The following IL1RAPL2 variants were observed in gnomAD, a reference collection of about 807,000 sequenced individuals.
IL1RAPL2 encodes the protein interleukin 1 receptor accessory protein like 2.
In IL1RAPL2, 3 loss-of-function variants were observed where a neutral mutation model predicts 44.1. The observed-to-expected ratio is 0.07, with a 90% CI of 0.03 to 0.18. The LOEUF is 0.18. IL1RAPL2 is among the 10% of genes least tolerant of loss of function. The pLI is 1.00. For missense variants in IL1RAPL2, 391 were observed against 496.4 expected (o/e 0.79, Z 2.02); for synonymous variants, 181 against 178.8 (o/e 1.01, Z -0.10).
chrX:105,571,781 G>A (rs1410949366), intron 6 of IL1RAPL2, among the ~76,000 whole-genome samples: 2 of 111,227 alleles, frequency 1.8e-5, no homozygotes, highest in Non-Finnish European at 3.8e-5. Context: ...CTGTACATGA[G>A]AGCATTGAGA....
At chrX:104,908,689 G>A in intron 2 of IL1RAPL2, among the ~76,000 whole-genome samples, 1 of 110,696 alleles carries the variant, frequency 9.0e-6, no homozygotes, top group Non-Finnish European at 1.9e-5. Flanking sequence ...AGTCTGATGG[G>A]CTTCCCTTTG....
intron 2 of IL1RAPL2, among the ~76,000 whole-genome samples, chrX:104,970,902 G>A (rs1299906712): frequency 8.9e-6 from 1 of 112,122 alleles, no homozygotes; most frequent in Non-Finnish European, 1.9e-5. Context: ...CAGGCAAGAC[G>A]CTTTTACTCT....
At chrX:104,903,620 C>T (rs1923881981) in intron 2 of IL1RAPL2, among the ~76,000 whole-genome samples, 1 of 110,948 alleles carries the variant, frequency 9.0e-6, no homozygotes, top group South Asian at 3.8e-4. Flanking sequence ...CTCTGTTGCC[C>T]AGGCTGGAGT....
chrX:104,783,814 A>G (rs1342862656), intron 2 of IL1RAPL2, among the ~76,000 whole-genome samples: 1 of 108,256 alleles, frequency 9.2e-6, no homozygotes, highest in African/African-American at 3.4e-5. Context: ...TAATCTGCTC[A>G]GAAGAAAACA....
intron 2 of IL1RAPL2, among the ~76,000 whole-genome samples, chrX:105,065,936 C>T (rs769204836): frequency 1.3e-4 from 14 of 111,075 alleles, no homozygotes; most frequent in Non-Finnish European, 2.6e-4. Context: ...CTTCCCAACT[C>T]TGGAGGGGGA....
At chrX:104,975,718 G>T (rs1267920324) in intron 2 of IL1RAPL2, among the ~76,000 whole-genome samples, 1 of 112,184 alleles carries the variant, frequency 8.9e-6, no homozygotes, top group Non-Finnish European at 1.9e-5. Flanking sequence ...ATGTAGGTTT[G>T]CCTTTAGGGG....
At chrX:104,638,256 TG>T (rs1348677991) in intron 1 of IL1RAPL2, among the ~76,000 whole-genome samples, 2 of 111,797 alleles carry the variant, frequency 1.8e-5, no homozygotes, top group African/African-American at 6.5e-5. Flanking sequence ...CTATCTTTTT[TG>T]TTGGTTAGTC....
chrX:104,847,157 G>A (rs369032071), intron 2 of IL1RAPL2, among the ~76,000 whole-genome samples: 1 of 111,884 alleles, frequency 8.9e-6, no homozygotes, highest in East Asian at 2.8e-4. Context: ...TGTTCACTCT[G>A]ATGATAGTTC....
chrX:105,394,737 A>T (rs1303807929), intron 5 of IL1RAPL2, among the ~76,000 whole-genome samples: 3 of 111,433 alleles, frequency 2.7e-5, no homozygotes, highest in Non-Finnish European at 5.7e-5. Flanking sequence ...CTGTGTCCCT[A>T]GTCTTCTGTT....
At position 105,195,651 on chromosome X, in the gene IL1RAPL2, A is replaced by G. The variant is rs1556140582; in HGVS notation, c.259A>G (p.Ile87Val). ...AAACAAAGGTGATTTGGAAGAGCCC[A>G]TCATCTTTTCAGAGGTCAGGATGAG... is the stretch of plus-strand genomic sequence containing the variant. ...YKNKGDLEEP[I>V]IFSEVRMSKE... The change falls in exon 3 of 11, where the codon ATC (isoleucine) becomes GTC (valine). Residue 87 changes from isoleucine to valine, a missense_variant. Physicochemically the swap from Ile to Val is conservative, Grantham distance 29. Coordinates refer to ENST00000372582, the MANE Select transcript of IL1RAPL2 (RefSeq NM_017416.2). 2 of 1,211,751 alleles carry G rather than the reference A, an allele frequency of 1.7e-6. No homozygotes were observed.
At chrX:105,727,966 T>TATC (rs1235666590) in intron 7 of IL1RAPL2, among the ~76,000 whole-genome samples, 12 of 111,398 alleles carry the variant, frequency 1.1e-4, no homozygotes, top group African/African-American at 3.9e-4. Flanking sequence ...CTCCCCCCAC[T>TATC]ATCAATATCC....
chrX:104,606,112 C>G (rs759536746), intron 1 of IL1RAPL2, among the ~76,000 whole-genome samples: 2 of 112,062 alleles, frequency 1.8e-5, no homozygotes, highest in East Asian at 2.8e-4. Flanking sequence ...CATCAAAAAG[C>G]TTATCCAACA....
chrX:104,703,370 GTCCTGTGC>G lies in IL1RAPL2; in HGVS notation c.82+44378_82+44385del, dbSNP rs1338648897. Among the ~76,000 whole-genome samples the G allele has an allele frequency of 4.5e-5, 5 of 111,690 alleles. 1 individual carries two copies. In the Admixed American group the frequency reaches 4.8e-4, roughly 11 times the overall value. On this transcript the variant is annotated intron_variant, in intron 2 of 10. Transcript: ENST00000372582. ...TATGACCAGTACAACCTTATGCTTG[GTCCTGTGC>G]TCACAGCTCTTTGTGTGTTTCCACT...
chrX:105,024,940 A>C (rs1434870331), intron 2 of IL1RAPL2, among the ~76,000 whole-genome samples: 24 of 104,239 alleles, frequency 2.3e-4, no homozygotes, highest in African/African-American at 8.2e-4. Context: ...TTTTTTTTGG[A>C]TAGAAATACA....
chrX:105,094,878 GT>G (rs1228634882), intron 2 of IL1RAPL2, among the ~76,000 whole-genome samples: 1 of 111,140 alleles, frequency 9.0e-6, no homozygotes, highest in African/African-American at 3.3e-5. Flanking sequence ...ACAGTACTTA[GT>G]GTGCAGGTCT....
intron 2 of IL1RAPL2, among the ~76,000 whole-genome samples, chrX:105,165,003 A>G (rs1379535606): frequency 9.0e-6 from 1 of 111,355 alleles, no homozygotes; most frequent in Non-Finnish European, 1.9e-5. Flanking sequence ...CCTCCAGCTC[A>G]ATGTATCTAA....
chrX:105,562,196 A>G (rs2036943382), intron 6 of IL1RAPL2, among the ~76,000 whole-genome samples: 1 of 111,973 alleles, frequency 8.9e-6, no homozygotes, highest in Non-Finnish European at 1.9e-5. Context: ...CAAATATTTT[A>G]TGACCTGAAA....
At chrX:104,876,526 G>A (rs1486916653) in intron 2 of IL1RAPL2, among the ~76,000 whole-genome samples, 5 of 110,390 alleles carry the variant, frequency 4.5e-5, no homozygotes, top group African/African-American at 1.6e-4. Context: ...AAAATAGTTT[G>A]CTACTTCTAA....
chrX:104,760,811 T>C (rs1429616983), intron 2 of IL1RAPL2, among the ~76,000 whole-genome samples: 1 of 111,685 alleles, frequency 9.0e-6, no homozygotes, highest in Non-Finnish European at 1.9e-5. Flanking sequence ...CTATTTGATT[T>C]GGTTGCCTAT....
Sources: gnomAD v4.1 joint callset for allele counts (sites outside exome capture counted in the v4.1 genomes callset) on GRCh38, gnomAD v4.1.1 for gene constraint, MANE v1.5 for transcripts, NCBI Gene and HGNC (gene_info 2026-07-23, HGNC 2026-07-21) for gene names.